The following ZBTB38 variants were observed in gnomAD, a reference collection of about 807,000 sequenced individuals.
The protein encoded by ZBTB38 is zinc finger and BTB domain containing 38, also known as zinc finger and BTB domain-containing protein 38.
ZBTB38 carries 20 observed loss-of-function variants against 76.8 expected under a neutral mutation model. That is an observed-to-expected ratio of 0.26 (90% CI 0.18 to 0.38). ZBTB38 has a LOEUF of 0.38. Ranked by LOEUF, ZBTB38 falls within the 10% of genes least tolerant of loss-of-function variation. The pLI is 1.00. For missense variants in ZBTB38, 1,082 were observed against 1,482.3 expected, an observed-to-expected ratio of 0.73 and a Z score of 4.43; for synonymous variants, 504 against 544.2, an observed-to-expected ratio of 0.93 and a Z score of 1.03.
chr3:141,444,006 G>A lies in ZBTB38; in HGVS notation c.1618G>A (p.Ala540Thr). The change falls in exon 6 of 6, where the codon GCC becomes ACC. Residue 540 changes from alanine (A) to threonine (T), a missense_variant. Ala to Thr is a moderately conservative substitution (Grantham distance 58). Coordinates refer to ENST00000321464, the MANE Select transcript of ZBTB38 (RefSeq NM_001376113.1). The surrounding 1 kb of genome is among the most constrained non-coding windows in gnomAD (Gnocchi z 5.1). ...ILKNHQKSFH[A>T]IDHRLSISKK... ...CAAAAATCATCAGAAGTCTTTCCAT[G>A]CCATCGATCATAGACTTTCCATCAG... The A allele has an allele frequency of 6.2e-7, 1 of 1,614,098 alleles. No individual in the cohort carries two copies.
At chr3:141,415,968 A>T (rs1489336923) in intron 5 of ZBTB38, among the ~76,000 whole-genome samples, 1 of 152,178 alleles carries the variant, frequency 6.6e-6, no homozygotes, top group Admixed American at 6.5e-5. Flanking sequence ...TAGGATTTTA[A>T]TGGTGGAACG....
At position 141,442,425 on chromosome 3, in the gene ZBTB38, G is replaced by A. The variant is rs1223346643; in HGVS notation, c.37G>A (p.Asp13Asn). 8.1e-6 allele frequency: 13 copies of A among 1,613,846 alleles called. No individual in the cohort carries two copies. Among genetic ancestry groups the A allele is most frequent in the Admixed American group, 1.7e-5 (1 of 59,978 alleles). The change falls in exon 6 of 6, where the codon GAC becomes AAC. Residue 13 changes from aspartate to asparagine, a missense_variant. This residue lies in a region of ZBTB38 where 68 missense variants were observed against 153.0 expected (regional missense o/e 0.44). Transcript: ENST00000321464. This position sits in a 1 kb window ranked among gnomAD's most constrained non-coding sequence, Gnocchi z 6.4. ...VMSLSRDLKD[D>N]FHSDTVLSIL... Reference sequence around the variant, plus strand: ...GTCCCTTTCCAGGGACCTCAAGGACGACTTTCACAGTGACACGGTACTCTC... The same window carrying A: ...GTCCCTTTCCAGGGACCTCAAGGACAACTTTCACAGTGACACGGTACTCTC...
chr3:141,402,938 C>T (rs546146918), intron 4 of ZBTB38: 7 of 152,238 alleles, frequency 4.6e-5, no homozygotes, highest in Admixed American at 3.9e-4. Flanking sequence ...CAACACCAAG[C>T]CCCTGGAATT....
At chr3:141,414,106 C>T (rs6763780) in intron 5 of ZBTB38, among the ~76,000 whole-genome samples, 4 of 152,112 alleles carry the variant, frequency 2.6e-5, no homozygotes, top group South Asian at 2.1e-4. Flanking sequence ...TTTATACTTA[C>T]GTTTTTATAG....
intron 2 of ZBTB38, among the ~76,000 whole-genome samples, chr3:141,377,702 C>T (rs1416284335): frequency 6.6e-6 from 1 of 152,132 alleles, no homozygotes; most frequent in African/African-American, 2.4e-5. Flanking sequence ...GGAAAATAGC[C>T]AAATGTTTTT....
chr3:141,326,363 C>T (rs1226595460), intron 1 of ZBTB38, among the ~76,000 whole-genome samples: 5 of 152,182 alleles, frequency 3.3e-5, no homozygotes. Context: ...AGTTAATGTG[C>T]TTTGCCTCCT....
intron 1 of ZBTB38, among the ~76,000 whole-genome samples, chr3:141,353,955 C>T (rs577502315): frequency 8.2e-4 from 125 of 152,202 alleles, no homozygotes; most frequent in Non-Finnish European, 1.5e-3. Context: ...AATTCATAAG[C>T]CACCTTATGA....
chr3:141,425,546 C>T (rs2076227399), intron 5 of ZBTB38, among the ~76,000 whole-genome samples: 1 of 152,244 alleles, frequency 6.6e-6, no homozygotes, highest in African/African-American at 2.4e-5. Context: ...CTGGCAGGCA[C>T]TGCAGCCCTG....
chr3:141,360,035 C>A (rs1030186984), intron 1 of ZBTB38, among the ~76,000 whole-genome samples: 1 of 152,122 alleles, frequency 6.6e-6, no homozygotes, highest in Admixed American at 6.5e-5. Flanking sequence ...ACCAACAGTG[C>A]TTCCTATAAA....
intron 1 of ZBTB38, among the ~76,000 whole-genome samples, chr3:141,369,574 A>G (rs921460578): frequency 2.0e-5 from 3 of 152,254 alleles, no homozygotes; most frequent in Non-Finnish European, 4.4e-5. Flanking sequence ...GCACGTAGGC[A>G]TAGAAATCAT....
chr3:141,351,623 C>T (rs1285068635), intron 1 of ZBTB38, among the ~76,000 whole-genome samples: 2 of 149,118 alleles, frequency 1.3e-5, no homozygotes, highest in African/African-American at 2.5e-5. Context: ...GTCCTAGTTA[C>T]GTGGGAGACT....
intron 5 of ZBTB38, among the ~76,000 whole-genome samples, chr3:141,427,005 A>G (rs1345851547): frequency 6.7e-6 from 1 of 148,222 alleles, no homozygotes; most frequent in Admixed American, 6.8e-5. Context: ...ATGTCAGAAC[A>G]ACCTTCTTGG....
At chr3:141,393,696 A>T (rs1949565902) in intron 4 of ZBTB38, among the ~76,000 whole-genome samples, 1 of 152,308 alleles carries the variant, frequency 6.6e-6, no homozygotes, top group African/African-American at 2.4e-5. Context: ...GTCAGGAGGC[A>T]GCCAGGGGGA....
intron 1 of ZBTB38, among the ~76,000 whole-genome samples, chr3:141,342,680 T>C (rs1943232855): frequency 6.7e-6 from 1 of 150,156 alleles, no homozygotes; most frequent in South Asian, 2.1e-4. Context: ...GCAAGAAGTT[T>C]AGCCCGAAAT....
At chr3:141,418,143 GT>G (rs2074499027) in intron 5 of ZBTB38, among the ~76,000 whole-genome samples, 1 of 152,144 alleles carries the variant, frequency 6.6e-6, no homozygotes, top group Admixed American at 6.5e-5. Flanking sequence ...TCAGTATGTA[GT>G]TAGGGGGTGA....
chr3:141,415,717 C>T (rs2073861962), intron 5 of ZBTB38, among the ~76,000 whole-genome samples: 1 of 152,152 alleles, frequency 6.6e-6, no homozygotes, highest in African/African-American at 2.4e-5. Flanking sequence ...AGGGTTGTGC[C>T]TTTTAAGCCC....
chr3:141,364,507 A>G (rs920837630), upstream of ZBTB38, among the ~76,000 whole-genome samples: 20 of 151,702 alleles, frequency 1.3e-4, no homozygotes, highest in African/African-American at 4.8e-4. Context: ...GAGAAACTCC[A>G]TCTCTACTAA....
chr3:141,351,289 A>G (rs549155799), intron 1 of ZBTB38, among the ~76,000 whole-genome samples: 1 of 152,348 alleles, frequency 6.6e-6, no homozygotes, highest in African/African-American at 2.4e-5. Context: ...CTCCTAATAT[A>G]CAATTCACAA....
intron 1 of ZBTB38, among the ~76,000 whole-genome samples, chr3:141,326,659 C>T (rs966837682): frequency 2.0e-5 from 3 of 152,052 alleles, no homozygotes; most frequent in Non-Finnish European, 4.4e-5. Flanking sequence ...TTGAAGTGAT[C>T]CAATCTCTGA....
Sources: gnomAD v4.1 joint callset for allele counts (sites outside exome capture counted in the v4.1 genomes callset) on GRCh38, gnomAD v4.1.1 for gene constraint, gnomAD v4.1.1 regional missense constraint, Gnocchi (gnomAD v3.1) non-coding constraint, MANE v1.5 for transcripts, NCBI Gene and HGNC (gene_info 2026-07-23, HGNC 2026-07-21) for gene names.